The following CDAN1 variants were observed in gnomAD, a reference collection of about 807,000 sequenced individuals.
The protein encoded by CDAN1 is codanin-1.
Under a neutral mutation model 139.8 loss-of-function variants are expected in CDAN1, and 107 were observed. That is an observed-to-expected ratio of 0.77 (90% CI 0.65 to 0.90). CDAN1 has a LOEUF of 0.90. Among genes scored for constraint, CDAN1 ranks in the 40% least tolerant of loss-of-function variants. CDAN1 has a pLI of 0.00. For synonymous variants in CDAN1, 776 were observed against 660.6 expected (o/e 1.17, Z -2.68); for missense variants, 1,667 against 1,575.7 (o/e 1.06, Z -0.98).
chr15:42,736,514 C>T lies in CDAN1; in HGVS notation c.357G>A (p.Gly119=), dbSNP rs1240100337. The T allele has an allele frequency of 2.1e-6, 3 of 1,413,904 alleles. No individual in the cohort carries two copies. The highest frequency in any genetic ancestry group is 2.8e-6 in the Non-Finnish European group (3 of 1,088,986). The allele number at this position is 1,413,904 out of a possible 1,614,324, so 87.6% of individuals were successfully genotyped here. A position where few individuals can be genotyped will look rare whatever the true frequency, so the allele number is the denominator to read the frequency against. Residue 119 remains glycine, a synonymous_variant, in exon 2 of 28, where the codon GGG becomes GGA. Transcript: ENST00000356231. ...CCGGCCCCGGGCCCCGCCTCCTGCC[C>T]CCGCGGCGGGCCAGAGGGGCCTCGG... The part of the protein sequence containing the change: ...TAAEAPLARR[G]GRRRGPGPAR...
Position 42,728,718 on chromosome 15 carries a change from T to A in CDAN1, c.2738A>T (p.Gln913Leu), listed in dbSNP as rs76947588. The change falls in exon 20 of 28, where the codon CAG becomes CTG. Residue 913 changes from glutamine to leucine, a missense_variant. This residue lies in a region of CDAN1 where 936 missense variants were observed against 844.1 expected (regional missense o/e 1.11). Coordinates refer to ENST00000356231, the MANE Select transcript of CDAN1 (RefSeq NM_138477.4). ...CTGGGAACACAAGATCTCCAACAGCTGGGCTGGGTCTCCCCCTTCCTCTCC... is the reference window on the plus strand; with the variant it reads ...CTGGGAACACAAGATCTCCAACAGCAGGGCTGGGTCTCCCCCTTCCTCTCC... ...TQGEEGGDPA[Q>L]LLEILCSQLC... 1,009 of 1,614,172 alleles carry A rather than the reference T, an allele frequency of 6.3e-4. 2 individuals carry two copies. The African/African-American group carries it at 0.012, about 19-fold the overall frequency.
Position 42,735,937 on chromosome 15 carries a change from G to A in CDAN1, c.711C>T (p.Gly237=). Residue 237 remains glycine, a synonymous_variant, in exon 3 of 28, where the codon GGC becomes GGT. Transcript: ENST00000356231. The part of the protein sequence containing the change: ...QPSALDTSPW[G]LGLPPGCRSL... Reference sequence around the variant, plus strand: ...TTCTGCACCCTGGGGGAAGGCCAAGGCCCCAAGGGCTAGTGTCCAGGGCTG... The same window carrying A: ...TTCTGCACCCTGGGGGAAGGCCAAGACCCCAAGGGCTAGTGTCCAGGGCTG... The A allele has an allele frequency of 6.2e-7, 1 of 1,614,134 alleles. No homozygotes were observed. Among genetic ancestry groups the A allele is most frequent in the Non-Finnish European group, 8.5e-7 (1 of 1,180,018 alleles).
Position 42,728,746 on chromosome 15 carries a change from G to C in CDAN1, c.2710C>G (p.Gln904Glu). 1 of 1,614,186 alleles carries C rather than the reference G, an allele frequency of 6.2e-7. No individual in the cohort carries two copies. The highest frequency in any genetic ancestry group is 8.5e-7 in the Non-Finnish European group (1 of 1,180,030). The change falls in exon 20 of 28, where the codon CAG becomes GAG. Residue 904 changes from glutamine to glutamate, a missense_variant. Physicochemically the swap from Gln to Glu is conservative, Grantham distance 29. Transcript: ENST00000356231. ...GCTGGGTCTCCCCCTTCCTCTCCCT[G>C]TGTCACCAGCTGCTCTTGGAGAAGT... ...ESLLQEQLVT[Q>E]GEEGGDPAQL...
rs140424619 is a variant in CDAN1 at position 42,733,965 on chromosome 15, C to G, written c.1340G>C (p.Arg447Pro). Residue 447 changes from arginine to proline, a missense_variant, in exon 8 of 28, where the codon CGA becomes CCA. This residue lies in a region of CDAN1 where 244 missense variants were observed against 309.4 expected (regional missense o/e 0.79). Transcript: ENST00000356231. ...CTGTTTCTTAAAAGTATGAAAGGCT[C>G]GGTCACTGGAGAAGTTGGCACGATT... ...TDNRANFSSD[R>P]AFHTFKKQRD... The G allele has an allele frequency of 1.9e-6, 3 of 1,613,606 alleles. No homozygotes were observed. In the African/African-American group the frequency reaches 4.0e-5, roughly 22 times the overall value.
At chr15:42,735,431 A>C (rs1219028177) in intron 4 of CDAN1, 57 bp from the exon 5 acceptor site, 1 of 1,594,462 alleles carries the variant, frequency 6.3e-7, no homozygotes, top group East Asian at 2.3e-5. Context: ...GCCAAGGCTC[A>C]GTTCCAAGTG....
chr15:42,734,402 G>A (rs1223571863), intron 6 of CDAN1, 56 bp from the exon 7 acceptor site: 3 of 1,607,686 alleles, frequency 1.9e-6, no homozygotes, highest in African/African-American at 1.3e-5. Context: ...CAAGTAGGAA[G>A]CAAGCACCTG....
chr15:42,734,820 T>C (rs1164526220), intron 6 of CDAN1, among the ~76,000 whole-genome samples: 2 of 143,718 alleles, frequency 1.4e-5, no homozygotes, highest in African/African-American at 2.6e-5. Context: ...GATTTTGTCA[T>C]GTTGCCCAGG....
intron 10 of CDAN1, 62 bp from the exon 11 acceptor site, chr15:42,731,887 C>A: frequency 6.9e-7 from 1 of 1,458,554 alleles, no homozygotes; most frequent in Non-Finnish European, 9.6e-7. Flanking sequence ...AAGGACTGAA[C>A]AAAAAATAAG....
At chr15:42,726,703 C>T (rs780570902) in intron 23 of CDAN1, 39 of 521,068 alleles carry the variant, frequency 7.5e-5, no homozygotes, top group Non-Finnish European at 1.3e-4. Flanking sequence ...CTGTAGCTAA[C>T]CAACTCCCAT....
chr15:42,724,071 C>A lies in CDAN1; in HGVS notation c.*420G>T. The A allele has an allele frequency of 3.5e-6, 1 of 284,228 alleles. No homozygotes were observed. The highest frequency in any genetic ancestry group is 6.9e-6 in the Non-Finnish European group (1 of 144,588). The allele number at this position is 284,228 out of a possible 1,614,324, so 17.6% of individuals were successfully genotyped here. On this transcript the variant is annotated 3_prime_UTR_variant, in exon 28 of 28. Transcript: ENST00000356231. ...CCTGGTGATAAGAAAATGTAGACTCCCAAGATTCATGTTTTAACTTTCTTC... is the reference window on the plus strand; with the variant it reads ...CCTGGTGATAAGAAAATGTAGACTCACAAGATTCATGTTTTAACTTTCTTC...
chr15:42,736,815 TC>T, intron 1 of CDAN1, 35 bp from the exon 2 acceptor site: 1 of 1,488,224 alleles, frequency 6.7e-7, no homozygotes, highest in South Asian at 1.3e-5. Context: ...GGCGAGAGGG[TC>T]AGCCGCCGGC....
chr15:42,725,732 C>G, intron 25 of CDAN1, 62 bp from the exon 26 acceptor site: 1 of 1,548,576 alleles, frequency 6.5e-7, no homozygotes, highest in South Asian at 1.1e-5. Flanking sequence ...GTGACTCACA[C>G]CTATAATCCC....
At position 42,729,230 on chromosome 15, in the gene CDAN1, T is replaced by C; in HGVS notation, c.2540A>G (p.Gln847Arg). 1.4e-6 allele frequency: 2 copies of C among 1,414,856 alleles called. No individual in the cohort carries two copies. The highest frequency in any genetic ancestry group is 1.9e-6 in the Non-Finnish European group (2 of 1,050,130). The allele number at this position is 1,414,856 out of a possible 1,614,324, so 87.6% of individuals were successfully genotyped here. A position where few individuals can be genotyped will look rare whatever the true frequency, so the allele number is the denominator to read the frequency against. The change falls in exon 18 of 28, where the codon CAG (glutamine) becomes CGG (arginine). Residue 847 changes from glutamine (Q) to arginine (R), a missense_variant and splice_region_variant. Around this residue, in one of 3 missense-constraint regions of CDAN1, gnomAD observed 936 missense variants for 844.1 expected, o/e 1.11. Coordinates refer to ENST00000356231, the MANE Select transcript of CDAN1 (RefSeq NM_138477.4). ...AQPSQTSQGL[Q>R]AQLAQAFFHN... ...CGGCTGTCTCCGCCCTGCCCTTACC[T>C]GCAGCCCCTGGCTGGTCTGGGAAGG...
rs1566985424 is a variant in CDAN1 at position 42,731,672 on chromosome 15, T to G, written c.1687A>C (p.Thr563Pro). The change falls in exon 11 of 28, where the codon ACC becomes CCC. Residue 563 changes from threonine to proline, a missense_variant. By Grantham distance (38) the Thr-to-Pro change is conservative (BLOSUM62 -1). Coordinates refer to ENST00000356231, the MANE Select transcript of CDAN1 (RefSeq NM_138477.4). ...AAGAAGCCTTGACAGCCTGGGAAGG[T>G]GGGGGGTGGGCAGGGCCCCCCACTG... ...QSSGGPCPPP[T>P]FPGCQGFFRD... The G allele has an allele frequency of 6.2e-7, 1 of 1,613,894 alleles. No homozygotes were observed. The highest frequency in any genetic ancestry group is 1.1e-5 in the South Asian group (1 of 91,072).
chr15:42,729,325 G>A lies in CDAN1; in HGVS notation c.2445C>T (p.Gly815=), dbSNP rs114208791. 2.1e-3 allele frequency: 3,386 copies of A among 1,614,140 alleles called. 54 individuals carry two copies. In the African/African-American group the frequency reaches 0.038, roughly 18 times the overall value. The change falls in exon 18 of 28, where the codon GGC becomes GGT. Residue 815 remains glycine, a synonymous_variant. Coordinates refer to ENST00000356231, the MANE Select transcript of CDAN1 (RefSeq NM_138477.4). ...LRKLLASWVS[G]SSGRSGGFMR... is the part of the protein sequence containing the mutation. Reference sequence around the variant, plus strand: ...TGAAGCCCCCACTCCGTCCACTACTGCCTGACACCCACGAAGCGAGCAGTT... The same window carrying A: ...TGAAGCCCCCACTCCGTCCACTACTACCTGACACCCACGAAGCGAGCAGTT...
chr15:42,729,531 A>G (rs1261905669), intron 17 of CDAN1, 37 bp downstream of exon 17: 3 of 1,613,802 alleles, frequency 1.9e-6, no homozygotes, highest in East Asian at 4.5e-5. Context: ...TCATGGAGGG[A>G]CAGACCAAGG....
In CDAN1 at chr15:42,731,739, C is replaced by G; in HGVS notation, c.1620G>C (p.Gly540=). The change falls in exon 11 of 28, where the codon GGG becomes GGC. Residue 540 remains glycine, a synonymous_variant. Transcript: ENST00000356231. The stretch of plus-strand genomic sequence containing the variant: ...GCCGTTCCTGTAGGCGCCACAACCG[C>G]CCCAGCTTGTCAGCTCCCAGCATAC... ...VLSMLGADKL[G]RLWRLQERLM... 6.2e-7 allele frequency: 1 copy of G among 1,614,196 alleles called. No homozygotes were observed.
At chr15:42,733,509 T>G (rs2061644440) in intron 8 of CDAN1, among the ~76,000 whole-genome samples, 1 of 152,116 alleles carries the variant, frequency 6.6e-6, no homozygotes, top group African/African-American at 2.4e-5. Flanking sequence ...ACTCCTGACC[T>G]CAGGTGATCC....
In CDAN1 at chr15:42,729,571, T is replaced by TG; in HGVS notation, c.2403dup (p.Ile802HisfsTer16). The stretch of plus-strand genomic sequence containing the variant: ...TCCAGGGAAGACCGGTGCTCACCGA[T>TG]GTAGGGGCAGCAGGTGTAGAGCAGC... On this transcript the variant is annotated frameshift_variant, in exon 17 of 28. Transcript: ENST00000356231. LOFTEE classifies it high-confidence loss of function. 1.9e-6 allele frequency: 3 copies of TG among 1,614,064 alleles called. No individual in the cohort carries two copies. The highest frequency in any genetic ancestry group is 2.5e-6 in the Non-Finnish European group (3 of 1,179,990).
Sources: allele counts gnomAD v4.1 joint callset (sites outside exome capture counted in the v4.1 genomes callset), GRCh38; gene constraint gnomAD v4.1.1; regional missense constraint gnomAD v4.1.1; transcripts MANE v1.5; gene names NCBI Gene and HGNC (gene_info 2026-07-23, HGNC 2026-07-21).